SINHCAF: variants seen among roughly 807,000 people sequenced by gnomAD.
SINHCAF encodes the protein SIN3-HDAC complex-associated factor.
SINHCAF carries 3 observed loss-of-function variants against 25.8 expected under a neutral mutation model. That is an observed-to-expected ratio of 0.12 (90% CI 0.05 to 0.30). The LOEUF is 0.30. Ranked by LOEUF, SINHCAF falls within the 10% of genes least tolerant of loss-of-function variation. The pLI is 1.00. For synonymous variants in SINHCAF, 70 were observed against 85.5 expected, an observed-to-expected ratio of 0.82 and a Z score of 1.00; for missense variants, 121 against 262.3, an observed-to-expected ratio of 0.46 and a Z score of 3.72.
At chr12:31,287,927 T>C in intron 4 of SINHCAF, 143 bp from the exon 5 acceptor site, 1 of 525,540 alleles carries the variant, frequency 1.9e-6, no homozygotes. Flanking sequence ...CTACTGATAT[T>C]TGAAGATATT....
chr12:31,309,664 A>ATTTTTTTT (rs869251301), intron 1 of SINHCAF, among the ~76,000 whole-genome samples: 8 of 128,744 alleles, frequency 6.2e-5, no homozygotes, highest in African/African-American at 2.3e-4. Context: ...TCAACTTGTG[A>ATTTTTTTT]TTTTTTTTTT....
chr12:31,285,412 T>TACACACACAC (rs1259370271), intron 5 of SINHCAF, among the ~76,000 whole-genome samples: 5 of 66,466 alleles, frequency 7.5e-5, no homozygotes, highest in African/African-American at 3.1e-4. Flanking sequence ...TATTTATATA[T>TACACACACAC]ATACATACAC....
chr12:31,310,672 GTGACATT>G (rs1939229299), intron 1 of SINHCAF, among the ~76,000 whole-genome samples: 2 of 152,190 alleles, frequency 1.3e-5, no homozygotes, highest in South Asian at 4.1e-4. Flanking sequence ...AGTCAGTCAT[GTGACATT>G]TGACAAGAGT....
intron 5 of SINHCAF, among the ~76,000 whole-genome samples, chr12:31,283,855 TAC>T (rs57162055): frequency 0.045 from 6,358 of 140,480 alleles, 174 homozygotes; most frequent in African/African-American, 0.077. Flanking sequence ...AGTTATCCAT[TAC>T]ACACACACAC....
intron 1 of SINHCAF, among the ~76,000 whole-genome samples, chr12:31,319,208 C>CCTCA (rs1939608847): frequency 6.6e-6 from 1 of 152,328 alleles, no homozygotes; most frequent in East Asian, 1.9e-4. Context: ...AGTTCCTTAA[C>CCTCA]CTCACTAATC....
intron 1 of SINHCAF, among the ~76,000 whole-genome samples, chr12:31,315,674 A>C (rs919830995): frequency 1.3e-5 from 2 of 152,238 alleles, no homozygotes; most frequent in Non-Finnish European, 1.5e-5. Flanking sequence ...CCTGGGCCAG[A>C]AAGAAATTTA....
At chr12:31,318,915 T>C (rs1388756187) in intron 1 of SINHCAF, among the ~76,000 whole-genome samples, 1 of 152,236 alleles carries the variant, frequency 6.6e-6, no homozygotes, top group African/African-American at 2.4e-5. Flanking sequence ...GTTTATTTCC[T>C]TGAATTTATA....
In SINHCAF at chr12:31,299,562, C is replaced by T. The variant is rs146122525; in HGVS notation, c.-20-1338G>A. 2.2e-3 allele frequency among the ~76,000 whole-genome samples: 331 copies of T among 152,230 alleles called. 1 individual carries two copies. Among genetic ancestry groups the T allele is most frequent in the African/African-American group, 7.5e-3 (311 of 41,530 alleles). On this transcript the variant is annotated intron_variant, in intron 1 of 5. Coordinates refer to ENST00000337682, the MANE Select transcript of SINHCAF (RefSeq NM_001135812.2). ...CGATCTCCTGACCTTGTGATCCACC[C>T]GTCTCGGCCTCCCAAAGTGCTGGGA...
In SINHCAF at chr12:31,298,163, C is replaced by G; in HGVS notation, c.42G>C (p.Glu14Asp). The G allele has an allele frequency of 6.2e-7, 1 of 1,614,172 alleles. No homozygotes were observed. The highest frequency in any genetic ancestry group is 8.5e-7 in the Non-Finnish European group (1 of 1,180,032). ...FHKPKMYRSI[E>D]GCCICRAKSS... ...ACTTAGCTCTGCAAATACAGCAGCC[C>G]TCTATACTTCGGTACATCTTTGGCT... Residue 14 changes from glutamate (E) to aspartate (D), a missense_variant, in exon 2 of 6, where the codon GAG (glutamate) becomes GAC (aspartate). Physicochemically the swap from Glu to Asp is conservative, Grantham distance 45. Transcript: ENST00000337682.
chr12:31,299,086 T>A (rs987432453), intron 1 of SINHCAF, among the ~76,000 whole-genome samples: 1 of 151,660 alleles, frequency 6.6e-6, no homozygotes, highest in Admixed American at 6.6e-5. Context: ...AAAACAGCTC[T>A]GGGGCTGGAT....
intron 1 of SINHCAF, among the ~76,000 whole-genome samples, chr12:31,309,117 G>C (rs1410569450): frequency 8.6e-6 from 1 of 115,862 alleles, no homozygotes; most frequent in Non-Finnish European, 1.7e-5. Context: ...GACAGAGTGA[G>C]ATTCTGTCTC....
intron 1 of SINHCAF, among the ~76,000 whole-genome samples, chr12:31,313,040 T>C (rs1409401227): frequency 6.6e-6 from 1 of 152,200 alleles, no homozygotes; most frequent in African/African-American, 2.4e-5. Flanking sequence ...TTCTTTTTTT[T>C]TGAGACGCAG....
Position 31,281,677 on chromosome 12 carries a change from A to G in SINHCAF, c.*1035T>C, listed in dbSNP as rs1321756057. The G allele has an allele frequency of 1.3e-5, 2 of 152,188 alleles. No homozygotes were observed. Among genetic ancestry groups the G allele is most frequent in the Non-Finnish European group, 2.9e-5 (2 of 68,040 alleles). The allele number at this position is 152,188 out of a possible 1,614,324, so 9.4% of individuals were successfully genotyped here. ...TCAGATAGCTTAACATTTTTAATCG[A>G]GTGTGTTCTCTACCATGCGGTAATG... On this transcript the variant is annotated 3_prime_UTR_variant, in exon 6 of 6. Coordinates refer to ENST00000337682, the MANE Select transcript of SINHCAF (RefSeq NM_001135812.2).
intron 1 of SINHCAF, among the ~76,000 whole-genome samples, chr12:31,306,084 G>C (rs946619878): frequency 6.6e-6 from 1 of 152,128 alleles, no homozygotes; most frequent in African/African-American, 2.4e-5. Context: ...CCCCATAATG[G>C]GGTAATCCCT....
intron 1 of SINHCAF, among the ~76,000 whole-genome samples, chr12:31,305,894 T>C (rs1012398479): frequency 1.3e-5 from 2 of 152,178 alleles, no homozygotes; most frequent in Non-Finnish European, 2.9e-5. Context: ...GAGACAGGAT[T>C]TCACCATGTT....
Position 31,324,050 on chromosome 12 carries a change from T to G in SINHCAF, c.-21+1974A>C, listed in dbSNP as rs755243084. On this transcript the variant is annotated intron_variant, in intron 1 of 5. Coordinates refer to ENST00000337682, the MANE Select transcript of SINHCAF (RefSeq NM_001135812.2). The surrounding 1 kb of genome is among the most constrained non-coding windows in gnomAD (Gnocchi z 5.5). ...GGTGGATTTGTTGGTAAATAAGACA[T>G]CTCGCGTCGGGAGGAAAGTTCCTGC... 4 of 454,310 alleles carry G rather than the reference T, an allele frequency of 8.8e-6. No homozygotes were observed. The highest frequency in any genetic ancestry group is 1.6e-5 in the South Asian group (1 of 64,502). The allele number at this position is 454,310 out of a possible 1,614,324, so 28.1% of individuals were successfully genotyped here.
chr12:31,312,500 G>T (rs555113729), intron 1 of SINHCAF, among the ~76,000 whole-genome samples: 1 of 152,296 alleles, frequency 6.6e-6, no homozygotes, highest in Non-Finnish European at 1.5e-5. Flanking sequence ...ATCATTGTAT[G>T]AAGGCTCCAT....
At chr12:31,320,565 CAA>C (rs1939659278) in intron 1 of SINHCAF, among the ~76,000 whole-genome samples, 1 of 151,996 alleles carries the variant, frequency 6.6e-6, no homozygotes, top group East Asian at 1.9e-4. Context: ...GCTAACTACT[CAA>C]AGAGTGGGGC....
At chr12:31,317,801 A>ACACAGAG (rs1333076435) in intron 1 of SINHCAF, among the ~76,000 whole-genome samples, 1 of 152,198 alleles carries the variant, frequency 6.6e-6, no homozygotes, top group Non-Finnish European at 1.5e-5. Context: ...ATCTAAATAC[A>ACACAGAG]CACAGAGCAG....
Sources: gnomAD v4.1 joint callset for allele counts (sites outside exome capture counted in the v4.1 genomes callset) on GRCh38, gnomAD v4.1.1 for gene constraint, Gnocchi (gnomAD v3.1) non-coding constraint, MANE v1.5 for transcripts, NCBI Gene and HGNC (gene_info 2026-07-23, HGNC 2026-07-21) for gene names.